CNTNAP2: variants seen among roughly 807,000 people sequenced by gnomAD.
CNTNAP2 encodes contactin-associated protein-like 2.
Under a neutral mutation model 155.2 loss-of-function variants are expected in CNTNAP2, and 98 were observed. The ratio of observed to expected loss-of-function variants is 0.63; its 90% CI spans 0.54 to 0.75. The LOEUF (loss-of-function observed/expected upper bound fraction) is 0.75. Among genes scored for constraint, CNTNAP2 ranks in the 30% least tolerant of loss-of-function variants. CNTNAP2 has a pLI of 0.00. For synonymous variants in CNTNAP2, 651 were observed against 631.2 expected, an observed-to-expected ratio of 1.03 and a Z score of -0.47; for missense variants, 1,727 against 1,688.1, an observed-to-expected ratio of 1.02 and a Z score of -0.40.
intron 13 of CNTNAP2, among the ~76,000 whole-genome samples, chr7:147,678,386 T>C (rs1795899732): frequency 6.6e-6 from 1 of 151,964 alleles, no homozygotes; most frequent in Non-Finnish European, 1.5e-5. Flanking sequence ...CTTCTAATGC[T>C]TTTCTCTTTG....
intron 20 of CNTNAP2, among the ~76,000 whole-genome samples, chr7:148,250,287 C>T (rs1376958520): frequency 6.6e-6 from 1 of 152,200 alleles, no homozygotes; most frequent in East Asian, 1.9e-4. Context: ...TTATTGGGCT[C>T]TAATTTGAGG....
chr7:146,993,486 T>C (rs1365820652), intron 3 of CNTNAP2, among the ~76,000 whole-genome samples: 4 of 152,108 alleles, frequency 2.6e-5, no homozygotes, highest in Non-Finnish European at 5.9e-5. Flanking sequence ...AGTTTCAGGT[T>C]TTTTTTCTAT....
At chr7:146,658,758 A>G (rs1800035699) in intron 1 of CNTNAP2, among the ~76,000 whole-genome samples, 1 of 152,220 alleles carries the variant, frequency 6.6e-6, no homozygotes. Flanking sequence ...GTGTGGACAC[A>G]GAAAACTGTC....
intron 1 of CNTNAP2, among the ~76,000 whole-genome samples, chr7:146,287,373 G>A (rs1800353213): frequency 6.6e-6 from 1 of 152,144 alleles, no homozygotes; most frequent in Non-Finnish European, 1.5e-5. Flanking sequence ...GAATATTGAG[G>A]CTGACTTAGG....
chr7:147,881,498 T>C (rs892005257), intron 13 of CNTNAP2, among the ~76,000 whole-genome samples: 1 of 152,184 alleles, frequency 6.6e-6, no homozygotes, highest in Non-Finnish European at 1.5e-5. Flanking sequence ...TGAGATGGCT[T>C]CCACCCGCTG....
intron 1 of CNTNAP2, among the ~76,000 whole-genome samples, chr7:146,384,645 T>A (rs565235775): frequency 1.3e-5 from 2 of 152,144 alleles, no homozygotes; most frequent in African/African-American, 2.4e-5. Flanking sequence ...AAAGAGTACT[T>A]TGTAATTGAT....
At chr7:148,070,716 T>TCACACACACACACACATACACACAC (rs1803364710) in intron 15 of CNTNAP2, among the ~76,000 whole-genome samples, 1 of 152,160 alleles carries the variant, frequency 6.6e-6, no homozygotes, top group South Asian at 2.1e-4. Context: ...AGACTCCTTC[T>TCACACACACACACACATACACACAC]AAAATAAATA....
intron 1 of CNTNAP2, among the ~76,000 whole-genome samples, chr7:146,735,244 A>T (rs907610858): frequency 6.6e-6 from 1 of 152,170 alleles, no homozygotes; most frequent in Non-Finnish European, 1.5e-5. Context: ...ATGGTTTTAC[A>T]TTAGAGCTTT....
At chr7:148,103,714 T>G (rs563536376) in intron 15 of CNTNAP2, among the ~76,000 whole-genome samples, 1 of 152,320 alleles carries the variant, frequency 6.6e-6, no homozygotes, top group African/African-American at 2.4e-5. Context: ...TTTTTATCCT[T>G]AAAATCAGAG....
chr7:147,163,594 G>T (rs78686480), intron 8 of CNTNAP2, among the ~76,000 whole-genome samples: 6,291 of 151,864 alleles, frequency 0.041, 554 homozygotes, highest in East Asian at 0.34. Context: ...GTCTTATTTT[G>T]CCATGCAATT....
At chr7:146,942,540 A>G (rs1000950766) in intron 3 of CNTNAP2, among the ~76,000 whole-genome samples, 2 of 152,166 alleles carry the variant, frequency 1.3e-5, no homozygotes, top group Non-Finnish European at 2.9e-5. Context: ...ATCAGTTATT[A>G]TTAAAAACAA....
intron 20 of CNTNAP2, among the ~76,000 whole-genome samples, chr7:148,251,451 G>A (rs988036855): frequency 6.6e-6 from 1 of 152,028 alleles, no homozygotes; most frequent in Non-Finnish European, 1.5e-5. Context: ...GACATTTACT[G>A]AGCTTCGGTG....
At chr7:147,693,179 G>GGTTCTTT (rs1256110068) in intron 13 of CNTNAP2, among the ~76,000 whole-genome samples, 1 of 151,926 alleles carries the variant, frequency 6.6e-6, no homozygotes, top group Non-Finnish European at 1.5e-5. Flanking sequence ...TGTATTCCTG[G>GGTTCTTT]GTTCTTTGTT....
chr7:147,108,507 C>G (rs1800812630), intron 5 of CNTNAP2, among the ~76,000 whole-genome samples, 157 bp downstream of exon 5: 1 of 152,076 alleles, frequency 6.6e-6, no homozygotes, highest in African/African-American at 2.4e-5. Flanking sequence ...TAATGAAACA[C>G]CTAGTCATTC....
chr7:146,980,182 A>T (rs187675913), intron 3 of CNTNAP2, among the ~76,000 whole-genome samples: 30 of 152,212 alleles, frequency 2.0e-4, no homozygotes, highest in Admixed American at 9.2e-4. Context: ...AATCAGGTGG[A>T]TAGGGGGATG....
Position 147,128,852 on chromosome 7 carries a change from C to G in CNTNAP2, c.1083+16C>G, listed in dbSNP as rs371536143. The G allele has an allele frequency of 5.0e-6, 8 of 1,613,522 alleles. No individual in the cohort carries two copies. The highest frequency in any genetic ancestry group is 6.8e-6 in the Non-Finnish European group (8 of 1,179,724). ...CTCAAATGTGGTAAGGATTTTCACC[C>G]GCAAAATATTGGTCTATAAAATATC... On this transcript the variant is annotated intron_variant, in intron 7 of 23. Transcript: ENST00000361727.
chr7:146,205,382 T>A (rs1253130684), intron 1 of CNTNAP2, among the ~76,000 whole-genome samples: 1 of 151,982 alleles, frequency 6.6e-6, no homozygotes, highest in African/African-American at 2.4e-5. Flanking sequence ...AAGACTATTC[T>A]AGAAACTGTA....
At chr7:147,548,597 G>C (rs148251141) in intron 11 of CNTNAP2, among the ~76,000 whole-genome samples, 1 of 152,186 alleles carries the variant, frequency 6.6e-6, no homozygotes, top group East Asian at 1.9e-4. Flanking sequence ...CTGTGCAGAC[G>C]CTCTTCAGTT....
intron 13 of CNTNAP2, among the ~76,000 whole-genome samples, chr7:147,863,617 C>T (rs1351138155): frequency 2.0e-5 from 3 of 152,142 alleles, no homozygotes; most frequent in East Asian, 1.9e-4. Flanking sequence ...TTAATGATCA[C>T]CATTCTAACT....
Sources: allele counts gnomAD v4.1 joint callset (sites outside exome capture counted in the v4.1 genomes callset), GRCh38; gene constraint gnomAD v4.1.1; transcripts MANE v1.5; gene names NCBI Gene and HGNC (gene_info 2026-07-23, HGNC 2026-07-21).